Variants in ARL8B observed in about 807,000 individuals in gnomAD.
ARL8B encodes the protein ADP-ribosylation factor-like protein 8B.
ARL8B carries 9 observed loss-of-function variants against 30.6 expected under a neutral mutation model. That is an observed-to-expected ratio of 0.29 (90% CI 0.18 to 0.51). ARL8B has a LOEUF of 0.51. Ranked by LOEUF, ARL8B falls within the 20% of genes least tolerant of loss-of-function variation. The pLI, the probability that ARL8B is intolerant of heterozygous loss-of-function variation, is 0.97. For synonymous variants in ARL8B, 74 were observed against 76.0 expected (o/e 0.97, Z 0.14); for missense variants, 130 against 227.2 (o/e 0.57, Z 2.75).
chr3:5,140,245 T>G (rs2054360901), intron 1 of ARL8B, among the ~76,000 whole-genome samples: 1 of 152,172 alleles, frequency 6.6e-6, no homozygotes, highest in African/African-American at 2.4e-5. Context: ...CCACATGTTG[T>G]GGGAGGGACC....
chr3:5,170,739 T>C (rs951940381), intron 2 of ARL8B, 156 bp downstream of exon 2: 36 of 463,804 alleles, frequency 7.8e-5, no homozygotes, highest in South Asian at 5.7e-4. Flanking sequence ...TGTTTTTTTG[T>C]TTTTTTTTTG....
chr3:5,171,269 G>T (rs1378168529), intron 2 of ARL8B, among the ~76,000 whole-genome samples: 3 of 152,178 alleles, frequency 2.0e-5, no homozygotes, highest in African/African-American at 7.2e-5. Context: ...ATGTAGCCCA[G>T]TGTCTAGTGT....
intron 4 of ARL8B, among the ~76,000 whole-genome samples, chr3:5,172,984 A>G (rs2054690171): frequency 6.6e-6 from 1 of 152,206 alleles, no homozygotes; most frequent in Non-Finnish European, 1.5e-5. Flanking sequence ...TATAGTGATG[A>G]ATGGAAATCA....
chr3:5,170,560 A>G lies in ARL8B; in HGVS notation c.181A>G (p.Thr61Ala). The G allele has an allele frequency of 2.5e-6, 4 of 1,612,790 alleles. No homozygotes were observed. Among genetic ancestry groups the G allele is most frequent in the Non-Finnish European group, 3.4e-6 (4 of 1,179,012 alleles). ...PTVGFNMRKV[T>A]KGNVTIKIWD... is the part of the protein sequence containing the mutation. ...AGTGGGCTTCAACATGAGGAAGGTA[A>G]CTAAAGGTAACGTCACAATAAAGGT... The change falls in exon 2 of 7, where the codon ACT becomes GCT. Residue 61 changes from threonine to alanine, a missense_variant. Coordinates refer to ENST00000256496, the MANE Select transcript of ARL8B (RefSeq NM_018184.3).
At chr3:5,172,045 T>C (rs1559286482) in intron 2 of ARL8B, 105 bp from the exon 3 acceptor site, 1 of 1,115,390 alleles carries the variant, frequency 9.0e-7, no homozygotes, top group African/African-American at 1.6e-5. Context: ...TCTAACATTG[T>C]AGAAATAAAT....
At chr3:5,175,151 T>C (rs890199717) in intron 6 of ARL8B, among the ~76,000 whole-genome samples, 2 of 152,140 alleles carry the variant, frequency 1.3e-5, no homozygotes, top group Admixed American at 1.3e-4. Context: ...AATTGCACTT[T>C]TAAGCGAAAT....
intron 1 of ARL8B, among the ~76,000 whole-genome samples, chr3:5,144,204 TTC>T (rs1575563945): frequency 6.6e-6 from 1 of 152,210 alleles, no homozygotes; most frequent in East Asian, 1.9e-4. Flanking sequence ...TTTGACCACA[TTC>T]CCAGCAGTGG....
In ARL8B at chr3:5,131,684, C is replaced by G. The variant is rs185692742; in HGVS notation, c.123+9096C>G. Among the ~76,000 whole-genome samples the G allele has an allele frequency of 1.2e-4, 19 of 152,334 alleles. No individual in the cohort carries two copies. In the East Asian group the frequency reaches 3.7e-3, roughly 29 times the overall value. The stretch of plus-strand genomic sequence containing the variant: ...GGGATTACAGGTGTGAGCCACTGCA[C>G]CCAGCCTACCCGTTTCTTAAAAATA... On this transcript the variant is annotated intron_variant, in intron 1 of 6. Coordinates refer to ENST00000256496, the MANE Select transcript of ARL8B (RefSeq NM_018184.3).
At position 5,166,290 on chromosome 3, in the gene ARL8B, G is replaced by T. The variant is rs533655591; in HGVS notation, c.124-4213G>T. On this transcript the variant is annotated intron_variant, in intron 1 of 6. Transcript: ENST00000256496. ...CTTGACCTCGTGATCCACCCACCTC[G>T]GCCTCCCAAAGTGCTGGGAGTACAG... Among the ~76,000 whole-genome samples, 17 of 151,068 alleles carry T rather than the reference G, an allele frequency of 1.1e-4. No homozygotes were observed. In the South Asian group the frequency reaches 3.6e-3, roughly 32 times the overall value.
chr3:5,123,890 T>C (rs939436436), intron 1 of ARL8B, among the ~76,000 whole-genome samples: 2 of 152,220 alleles, frequency 1.3e-5, no homozygotes, highest in African/African-American at 4.8e-5. Flanking sequence ...ATTTTTTTTC[T>C]TGAGACGGAG....
intron 1 of ARL8B, among the ~76,000 whole-genome samples, chr3:5,153,344 T>C (rs1442554466): frequency 6.6e-6 from 1 of 152,166 alleles, no homozygotes; most frequent in Admixed American, 6.6e-5. Context: ...GTTTTCCTGA[T>C]AGTGAATTAA....
intron 1 of ARL8B, among the ~76,000 whole-genome samples, chr3:5,161,520 C>G (rs183642924): frequency 2.6e-5 from 4 of 152,004 alleles, no homozygotes; most frequent in Admixed American, 6.6e-5. Context: ...GCTAGCTGTT[C>G]GGGAGCAGGA....
At chr3:5,126,577 G>C (rs2054231802) in intron 1 of ARL8B, among the ~76,000 whole-genome samples, 1 of 152,166 alleles carries the variant, frequency 6.6e-6, no homozygotes, top group African/African-American at 2.4e-5. Context: ...TGTAGGGTTT[G>C]GTTTGAGTCT....
chr3:5,129,253 C>T (rs1216549343), intron 1 of ARL8B, among the ~76,000 whole-genome samples: 1 of 152,148 alleles, frequency 6.6e-6, no homozygotes, highest in Admixed American at 6.5e-5. Flanking sequence ...TGGCACACTG[C>T]AACCTCCACC....
At chr3:5,134,906 G>T (rs1000672672) in intron 1 of ARL8B, among the ~76,000 whole-genome samples, 4 of 152,164 alleles carry the variant, frequency 2.6e-5, no homozygotes, top group Non-Finnish European at 5.9e-5. Flanking sequence ...GGAGTACAGT[G>T]GCATGATCTC....
chr3:5,132,613 A>C (rs1198002519), intron 1 of ARL8B, among the ~76,000 whole-genome samples: 1 of 152,176 alleles, frequency 6.6e-6, no homozygotes, highest in Non-Finnish European at 1.5e-5. Flanking sequence ...TCACAGAGCC[A>C]AGACTTTATC....
intron 1 of ARL8B, 35 bp downstream of exon 1, chr3:5,122,623 G>T (rs1373132398): frequency 2.4e-5 from 37 of 1,573,744 alleles, no homozygotes; most frequent in Non-Finnish European, 3.0e-5. Flanking sequence ...CCGGGGCTCC[G>T]CAGCCAGGAG....
At chr3:5,149,595 A>G (rs2054461355) in intron 1 of ARL8B, among the ~76,000 whole-genome samples, 1 of 152,196 alleles carries the variant, frequency 6.6e-6, no homozygotes, top group Admixed American at 6.5e-5. Flanking sequence ...AAGTTTTATT[A>G]TCACCCTTAG....
intron 1 of ARL8B, among the ~76,000 whole-genome samples, chr3:5,139,672 G>A (rs1484884679): frequency 6.6e-6 from 1 of 152,184 alleles, no homozygotes; most frequent in South Asian, 2.1e-4. Flanking sequence ...TTATTTCCCT[G>A]GAAGTAGAAT....
Sources: gnomAD v4.1 joint callset for allele counts (sites outside exome capture counted in the v4.1 genomes callset) on GRCh38, gnomAD v4.1.1 for gene constraint, MANE v1.5 for transcripts, NCBI Gene and HGNC (gene_info 2026-07-23, HGNC 2026-07-21) for gene names.